Variants in ZNF804B observed in about 807,000 individuals in gnomAD.
ZNF804B encodes zinc finger protein 804B, also known as zinc finger 804B.
Under a neutral mutation model 101.4 loss-of-function variants are expected in ZNF804B, and 80 were observed. That is an observed-to-expected ratio of 0.79 (90% CI 0.66 to 0.95). The LOEUF is 0.95. Ranked by LOEUF, ZNF804B falls within the 40% of genes least tolerant of loss-of-function variation. The probability of loss-of-function intolerance (pLI) is 0.00; values close to 1 mark genes in which losing one functional copy is unlikely to be tolerated. For synonymous variants in ZNF804B, 622 were observed against 558.8 expected (o/e 1.11, Z -1.59); for missense variants, 1,673 against 1,561.9 (o/e 1.07, Z -1.20).
chr7:89,079,120 T>C (rs1789657056), intron 1 of ZNF804B, among the ~76,000 whole-genome samples: 1 of 152,090 alleles, frequency 6.6e-6, no homozygotes, highest in African/African-American at 2.4e-5. Context: ...TGTATCCATT[T>C]AGCAACAAAT....
chr7:89,187,945 C>T (rs1218475229), intron 1 of ZNF804B, among the ~76,000 whole-genome samples: 8 of 152,108 alleles, frequency 5.3e-5, no homozygotes, highest in Admixed American at 6.6e-5. Context: ...CAGATATAGA[C>T]CAGAAGTCTC....
intron 2 of ZNF804B, among the ~76,000 whole-genome samples, chr7:89,298,187 A>G (rs1320007991): frequency 8.5e-6 from 1 of 117,856 alleles, no homozygotes; most frequent in Non-Finnish European, 1.7e-5. Context: ...TATAGTGTGT[A>G]TATATATCTA....
chr7:89,001,671 A>G (rs900206298), intron 1 of ZNF804B, among the ~76,000 whole-genome samples: 10 of 151,968 alleles, frequency 6.6e-5, no homozygotes, highest in Non-Finnish European at 1.5e-4. Context: ...TCAAAGCAAG[A>G]CTCACCATTA....
chr7:88,812,377 G>C (rs1361365973), intron 1 of ZNF804B, among the ~76,000 whole-genome samples: 17 of 152,182 alleles, frequency 1.1e-4, no homozygotes. Flanking sequence ...CTGTTGACAA[G>C]AATGTGGAAA....
intron 2 of ZNF804B, 57 bp from the exon 3 acceptor site, chr7:89,327,287 T>A (rs1053757408): frequency 1.2e-5 from 18 of 1,483,400 alleles, no homozygotes; most frequent in Middle Eastern, 4.4e-4. Context: ...GCCTTGTGGA[T>A]GGAAAAGAAT....
Position 89,062,549 on chromosome 7 carries a change from G to A in ZNF804B, c.109-155606G>A, listed in dbSNP as rs1475190013. 3.9e-5 allele frequency among the ~76,000 whole-genome samples: 6 copies of A among 151,956 alleles called. No individual in the cohort carries two copies. In the South Asian group the frequency reaches 1.2e-3, roughly 32 times the overall value. ...TTCTCATTTTGACTATTAGCTCTTTGAAGGCAAGACTATACCGTATTATTT... is the reference window on the plus strand; with the variant it reads ...TTCTCATTTTGACTATTAGCTCTTTAAAGGCAAGACTATACCGTATTATTT... On this transcript the variant is annotated intron_variant, in intron 1 of 3. Transcript: ENST00000333190.
intron 1 of ZNF804B, among the ~76,000 whole-genome samples, chr7:88,899,856 G>C (rs1400135717): frequency 6.6e-6 from 1 of 152,082 alleles, no homozygotes; most frequent in Non-Finnish European, 1.5e-5. Context: ...AGACGGAAAA[G>C]AAGGCAAGTC....
Position 89,171,889 on chromosome 7 carries a change from T to A in ZNF804B, c.109-46266T>A, listed in dbSNP as rs375262206. ...GAAAGACATTGCTGTCTCTAATTAA[T>A]AATTGAGTTATTTTAGACTTGGGGG... On this transcript the variant is annotated intron_variant, in intron 1 of 3. Coordinates refer to ENST00000333190, the MANE Select transcript of ZNF804B (RefSeq NM_181646.5). Among the ~76,000 whole-genome samples, 3 of 152,304 alleles carry A rather than the reference T, an allele frequency of 2.0e-5. 1 individual carries two copies. The highest frequency in any genetic ancestry group is 7.2e-5 in the African/African-American group (3 of 41,580).
chr7:89,063,426 A>G (rs886854966), intron 1 of ZNF804B, among the ~76,000 whole-genome samples: 2 of 152,174 alleles, frequency 1.3e-5, no homozygotes, highest in African/African-American at 4.8e-5. Flanking sequence ...CTCAAATGTA[A>G]ATCAAACTGA....
At position 88,990,136 on chromosome 7, in the gene ZNF804B, T is replaced by C. The variant is rs1204425572; in HGVS notation, c.109-228019T>C. On this transcript the variant is annotated intron_variant, in intron 1 of 3. Coordinates refer to ENST00000333190, the MANE Select transcript of ZNF804B (RefSeq NM_181646.5). ...ATGATACTATGTATATAATTTTATA[T>C]CATATACTTTTCATGTAACAAATAT... is the stretch of plus-strand genomic sequence containing the variant. 2.0e-5 allele frequency among the ~76,000 whole-genome samples: 3 copies of C among 152,016 alleles called. No individual in the cohort carries two copies. The East Asian group carries it at 5.8e-4, about 29-fold the overall frequency.
chr7:88,925,148 GT>G (rs1792777180), intron 1 of ZNF804B, among the ~76,000 whole-genome samples: 1 of 152,092 alleles, frequency 6.6e-6, no homozygotes, highest in Non-Finnish European at 1.5e-5. Flanking sequence ...ACATTGTAAA[GT>G]TTTTAGCAAT....
chr7:89,284,102 A>G (rs1584104323), intron 2 of ZNF804B, among the ~76,000 whole-genome samples: 1 of 152,358 alleles, frequency 6.6e-6, no homozygotes, highest in East Asian at 1.9e-4. Context: ...AGGTAAATGT[A>G]AACAAACACA....
At chr7:88,935,369 T>TAAA (rs3034324) in intron 1 of ZNF804B, among the ~76,000 whole-genome samples, 1 of 131,218 alleles carries the variant, frequency 7.6e-6, no homozygotes, top group Non-Finnish European at 1.7e-5. Flanking sequence ...TAAAAGTAAT[T>TAAA]AAAAAAAAAA....
chr7:88,926,062 G>T (rs753764135), intron 1 of ZNF804B, among the ~76,000 whole-genome samples: 6 of 152,044 alleles, frequency 3.9e-5, no homozygotes, highest in Non-Finnish European at 7.4e-5. Flanking sequence ...CAGAAATCTT[G>T]TTCTAGACCA....
chr7:89,138,993 G>T (rs1295531205), intron 1 of ZNF804B, among the ~76,000 whole-genome samples: 2 of 152,074 alleles, frequency 1.3e-5, no homozygotes, highest in African/African-American at 4.8e-5. Flanking sequence ...TACTGTGTGT[G>T]TGTGTGTCTA....
At chr7:89,221,233 C>T (rs560006916) in intron 2 of ZNF804B, among the ~76,000 whole-genome samples, 1 of 151,996 alleles carries the variant, frequency 6.6e-6, no homozygotes, top group African/African-American at 2.4e-5. Flanking sequence ...TCTTTTACCC[C>T]TGCTACATAT....
At chr7:89,166,085 A>G (rs1161033984) in intron 1 of ZNF804B, among the ~76,000 whole-genome samples, 1 of 152,166 alleles carries the variant, frequency 6.6e-6, no homozygotes, top group Non-Finnish European at 1.5e-5. Context: ...GACTTTCTAG[A>G]TTGGTGTCCT....
chr7:89,041,441 T>C (rs1294390216), intron 1 of ZNF804B, among the ~76,000 whole-genome samples: 2 of 152,220 alleles, frequency 1.3e-5, no homozygotes, highest in East Asian at 3.9e-4. Context: ...GGAGTTGGCC[T>C]GGGGCTTCAG....
chr7:88,774,252 C>T lies in ZNF804B; in HGVS notation c.108+14168C>T, dbSNP rs144304951. Among the ~76,000 whole-genome samples the T allele has an allele frequency of 1.7e-3, 243 of 147,054 alleles. 2 individuals are homozygous for T. Among genetic ancestry groups the T allele is most frequent in the African/African-American group, 5.6e-3 (221 of 39,600 alleles). On this transcript the variant is annotated intron_variant, in intron 1 of 3. Transcript: ENST00000333190. ...TGAAACTTCGGCCACCTCCAAGTGACGAAGGGGATTACAGCAATTGAAAGG... is the reference window on the plus strand; with the variant it reads ...TGAAACTTCGGCCACCTCCAAGTGATGAAGGGGATTACAGCAATTGAAAGG...
Sources: allele counts gnomAD v4.1 joint callset (sites outside exome capture counted in the v4.1 genomes callset), GRCh38; gene constraint gnomAD v4.1.1; transcripts MANE v1.5; gene names NCBI Gene and HGNC (gene_info 2026-07-23, HGNC 2026-07-21).